Variants in ACER3 observed in about 807,000 individuals in gnomAD.
ACER3 encodes alkCDase 3.
Under a neutral mutation model 48.9 loss-of-function variants are expected in ACER3, and 16 were observed. The ratio of observed to expected loss-of-function variants is 0.33; its 90% confidence interval spans 0.22 to 0.50. ACER3 has a LOEUF of 0.50. Ranked by LOEUF, ACER3 falls within the 20% of genes least tolerant of loss-of-function variation. The pLI is 0.98. For synonymous variants in ACER3, 109 were observed against 107.8 expected (o/e 1.01, Z -0.07); for missense variants, 227 against 326.0 (o/e 0.70, Z 2.34).
intron 1 of ACER3, among the ~76,000 whole-genome samples, chr11:76,925,484 T>A (rs1222770926): frequency 6.6e-6 from 1 of 152,228 alleles, no homozygotes; most frequent in Non-Finnish European, 1.5e-5. Context: ...TTCCCCAAAA[T>A]TTTTTAATTT....
At chr11:76,882,332 A>G (rs1945550326) in intron 1 of ACER3, among the ~76,000 whole-genome samples, 1 of 151,880 alleles carries the variant, frequency 6.6e-6, no homozygotes, top group South Asian at 2.1e-4. Flanking sequence ...CTCTGTGCAT[A>G]TACATGTTGG....
At position 76,946,311 on chromosome 11, in the gene ACER3, G is replaced by A. The variant is rs969166704; in HGVS notation, c.215-12668G>A. Among the ~76,000 whole-genome samples the A allele has an allele frequency of 2.6e-5, 4 of 152,124 alleles. No homozygotes were observed. In the South Asian group the frequency reaches 6.2e-4, roughly 24 times the overall value. On this transcript the variant is annotated intron_variant, in intron 2 of 10. Transcript: ENST00000532485. ...TTGGACCTGCAACCCAGGAGGGAAG[G>A]GTGCATCTTAGGAAGGCAGCATGGG...
At chr11:76,896,603 C>T (rs1401950666) in intron 1 of ACER3, among the ~76,000 whole-genome samples, 2 of 152,090 alleles carry the variant, frequency 1.3e-5, no homozygotes, top group Non-Finnish European at 2.9e-5. Flanking sequence ...TTGCTAAAGA[C>T]GACCCCTCTA....
intron 4 of ACER3, among the ~76,000 whole-genome samples, chr11:76,983,625 T>C (rs1948631853): frequency 6.6e-6 from 1 of 152,146 alleles, no homozygotes; most frequent in African/African-American, 2.4e-5. Context: ...ACAGTATTGC[T>C]TTTTAAAAGC....
At position 77,022,834 on chromosome 11, in the gene ACER3, A is replaced by T. The variant is rs139514687; in HGVS notation, c.*2507A>T. 5.8e-3 allele frequency: 1,564 copies of T among 269,166 alleles called. 25 individuals carry two copies. The highest frequency in any genetic ancestry group is 0.033 in the African/African-American group (1,484 of 44,632). 16.7% of individuals were successfully genotyped at this position (269,166 alleles called of 1,614,324 possible). On this transcript the variant is annotated 3_prime_UTR_variant, in exon 11 of 11. Transcript: ENST00000532485. ...ATTATATTTTAGAAAATACTTTGTGAGGCCGGGCATGGTGGCAGAGCGAGA... is the reference window on the plus strand; with the variant it reads ...ATTATATTTTAGAAAATACTTTGTGTGGCCGGGCATGGTGGCAGAGCGAGA...
intron 7 of ACER3, among the ~76,000 whole-genome samples, chr11:77,009,220 G>A (rs1949212834): frequency 1.3e-5 from 2 of 152,182 alleles, no homozygotes; most frequent in South Asian, 4.1e-4. Flanking sequence ...CTTCTGGGGA[G>A]GCCTCAGGAA....
chr11:76,865,747 G>C (rs898442546), intron 1 of ACER3, among the ~76,000 whole-genome samples: 11 of 151,100 alleles, frequency 7.3e-5, no homozygotes, highest in African/African-American at 2.7e-4. Flanking sequence ...GACCTGCAGT[G>C]ATTCACCTGC....
intron 4 of ACER3, 63 bp downstream of exon 4, chr11:76,976,404 A>C (rs1517908): frequency 0.74 from 702,538 of 953,800 alleles, 260,773 homozygotes; most frequent in Non-Finnish European, 0.76. Flanking sequence ...CTCATAGTGG[A>C]TTAATATAAC....
At chr11:76,967,845 G>C (rs983249381) in intron 3 of ACER3, among the ~76,000 whole-genome samples, 1 of 152,098 alleles carries the variant, frequency 6.6e-6, no homozygotes, top group Non-Finnish European at 1.5e-5. Flanking sequence ...ATACTGAATG[G>C]GCAAAAACTG....
intron 4 of ACER3, among the ~76,000 whole-genome samples, chr11:76,982,022 C>T (rs1446116670): frequency 6.6e-6 from 1 of 152,040 alleles, no homozygotes; most frequent in Non-Finnish European, 1.5e-5. Flanking sequence ...CTTCCATTTG[C>T]TCCATATACT....
At chr11:76,973,449 G>A (rs543151255) in intron 3 of ACER3, among the ~76,000 whole-genome samples, 10 of 152,212 alleles carry the variant, frequency 6.6e-5, no homozygotes, top group African/African-American at 1.7e-4. Flanking sequence ...AGGGGTGCTC[G>A]CTCTGTGGTA....
intron 1 of ACER3, among the ~76,000 whole-genome samples, chr11:76,901,484 C>T (rs981086205): frequency 6.6e-6 from 1 of 152,090 alleles, no homozygotes; most frequent in Non-Finnish European, 1.5e-5. Flanking sequence ...ATCATAAATC[C>T]AACTGCCTTT....
chr11:76,945,744 G>A (rs1360036332), intron 2 of ACER3, among the ~76,000 whole-genome samples: 3 of 152,200 alleles, frequency 2.0e-5, no homozygotes, highest in Non-Finnish European at 4.4e-5. Flanking sequence ...ATGTGGGCAG[G>A]TTCTCAAACT....
intron 7 of ACER3, among the ~76,000 whole-genome samples, chr11:77,010,163 A>AAATAATAATAATAATAAT (rs59504202): frequency 2.9e-4 from 43 of 146,470 alleles, no homozygotes; most frequent in African/African-American, 1.1e-3. Flanking sequence ...TCTCTACCAG[A>AAATAATAATAATAATAAT]AATAATAATA....
At chr11:76,937,015 C>A (rs1054438087) in intron 2 of ACER3, among the ~76,000 whole-genome samples, 1 of 151,732 alleles carries the variant, frequency 6.6e-6, no homozygotes, top group African/African-American at 2.4e-5. Context: ...CTGTGCCCGG[C>A]CAATAATTTT....
chr11:76,960,684 G>C lies in ACER3; in HGVS notation c.267+1653G>C, dbSNP rs1947966353. Among the ~76,000 whole-genome samples, 3 of 152,160 alleles carry C rather than the reference G, an allele frequency of 2.0e-5. No homozygotes were observed. The South Asian group carries it at 6.2e-4, about 32-fold the overall frequency. ...AACTCTGGGACCTCAGCCAGTTAAAGAGAGTGTCAACATAGGGGGATAGTC... is the reference window on the plus strand; with the variant it reads ...AACTCTGGGACCTCAGCCAGTTAAACAGAGTGTCAACATAGGGGGATAGTC... On this transcript the variant is annotated intron_variant, in intron 3 of 10. Transcript: ENST00000532485.
chr11:77,018,159 C>T (rs1949406758), intron 9 of ACER3, among the ~76,000 whole-genome samples: 1 of 152,020 alleles, frequency 6.6e-6, no homozygotes, highest in Non-Finnish European at 1.5e-5. Context: ...ATACTGGTCC[C>T]AAACTCCTGA....
intron 7 of ACER3, among the ~76,000 whole-genome samples, chr11:77,005,422 C>T (rs1555020678): frequency 6.6e-6 from 1 of 152,110 alleles, no homozygotes; most frequent in Admixed American, 6.5e-5. Context: ...CTACAGAAAA[C>T]TTACCTCCCT....
chr11:76,928,473 C>T lies in ACER3; in HGVS notation c.214+1806C>T, dbSNP rs371630933. Among the ~76,000 whole-genome samples, 6 of 152,220 alleles carry T rather than the reference C, an allele frequency of 3.9e-5. No individual in the cohort carries two copies. The East Asian group carries it at 7.7e-4, about 20-fold the overall frequency. On this transcript the variant is annotated intron_variant, in intron 2 of 10. Transcript: ENST00000532485. The stretch of plus-strand genomic sequence containing the variant: ...AGAAGCTCTTTAATTTAATTAGATC[C>T]CATTTGTCAATTTTGGCTTTTGTTG...
Sources: gnomAD v4.1 joint callset for allele counts (sites outside exome capture counted in the v4.1 genomes callset) on GRCh38, gnomAD v4.1.1 for gene constraint, MANE v1.5 for transcripts, NCBI Gene and HGNC (gene_info 2026-07-23, HGNC 2026-07-21) for gene names.